Variants in FARS2 observed in about 807,000 individuals in gnomAD.
The protein encoded by FARS2 is phenylalanine--tRNA ligase, mitochondrial.
A neutral mutation model predicts 46.4 loss-of-function variants in FARS2; 40 were observed. The observed-to-expected ratio is 0.86, with a 90% CI of 0.67 to 1.12. The LOEUF is 1.12. FARS2 is among the 50% of genes most tolerant of loss of function. FARS2 has a pLI of 0.00. For synonymous variants in FARS2, 234 were observed against 214.9 expected (o/e 1.09, Z -0.78); for missense variants, 513 against 567.9 (o/e 0.90, Z 0.98).
intron 4 of FARS2, among the ~76,000 whole-genome samples, chr6:5,507,443 TTGAAGCA>T (rs1255656966): frequency 6.6e-6 from 1 of 152,250 alleles, no homozygotes; most frequent in Non-Finnish European, 1.5e-5. Context: ...GAGAAGGAGT[TTGAAGCA>T]TGTTTCTTTT....
intron 5 of FARS2, among the ~76,000 whole-genome samples, chr6:5,566,425 C>T (rs549808669): frequency 2.0e-5 from 3 of 152,202 alleles, no homozygotes; most frequent in Admixed American, 1.3e-4. Flanking sequence ...AGAACAGAGC[C>T]GTTGATTTTG....
intron 5 of FARS2, among the ~76,000 whole-genome samples, chr6:5,574,046 A>G (rs1477318764): frequency 6.6e-6 from 1 of 152,220 alleles, no homozygotes; most frequent in Non-Finnish European, 1.5e-5. Flanking sequence ...GAACACTTCA[A>G]CGGCAGCATT....
intron 4 of FARS2, among the ~76,000 whole-genome samples, chr6:5,439,324 C>G (rs1198331649): frequency 6.6e-6 from 1 of 152,228 alleles, no homozygotes. Context: ...ATCATACCCT[C>G]AGACTCCTCA....
intron 5 of FARS2, among the ~76,000 whole-genome samples, chr6:5,567,592 T>C (rs1772393585): frequency 6.6e-6 from 1 of 152,212 alleles, no homozygotes; most frequent in Non-Finnish European, 1.5e-5. Flanking sequence ...ATCTATTTGT[T>C]GAGTATAGCC....
chr6:5,526,477 ATTAAG>A (rs1769470803), intron 4 of FARS2, among the ~76,000 whole-genome samples: 3 of 152,210 alleles, frequency 2.0e-5, no homozygotes, highest in African/African-American at 2.4e-5. Context: ...CTTACTCTAA[ATTAAG>A]TTCCTTTCCT....
At chr6:5,671,637 G>A (rs1778468933) in intron 6 of FARS2, among the ~76,000 whole-genome samples, 2 of 152,120 alleles carry the variant, frequency 1.3e-5, no homozygotes, top group South Asian at 4.1e-4. Flanking sequence ...CTTAGCTCTG[G>A]AAAAAATAGG....
intron 1 of FARS2, among the ~76,000 whole-genome samples, chr6:5,353,612 T>A (rs1757712499): frequency 6.6e-6 from 1 of 152,188 alleles, no homozygotes; most frequent in Non-Finnish European, 1.5e-5. Context: ...TCATTGTGGT[T>A]TTGATTTGCA....
chr6:5,622,525 G>A (rs1278365652), intron 6 of FARS2, among the ~76,000 whole-genome samples: 1 of 152,202 alleles, frequency 6.6e-6, no homozygotes, highest in African/African-American at 2.4e-5. Context: ...TAAGTCATGA[G>A]GGCTCTGCCC....
At chr6:5,629,025 A>T (rs1776166872) in intron 6 of FARS2, among the ~76,000 whole-genome samples, 2 of 152,190 alleles carry the variant, frequency 1.3e-5, no homozygotes, top group African/African-American at 4.8e-5. Flanking sequence ...TTCAGTATGA[A>T]CTGAAAATGG....
chr6:5,533,324 G>T (rs1769981460), intron 4 of FARS2, among the ~76,000 whole-genome samples: 1 of 152,116 alleles, frequency 6.6e-6, no homozygotes. Context: ...TTTATAATAT[G>T]ATAGATAAAA....
intron 5 of FARS2, among the ~76,000 whole-genome samples, chr6:5,612,802 T>C (rs760129267): frequency 6.6e-6 from 1 of 152,214 alleles, no homozygotes; most frequent in Non-Finnish European, 1.5e-5. Flanking sequence ...TCTGAAAGTA[T>C]CACAAGAAGT....
At chr6:5,635,165 G>T (rs148711989) in intron 6 of FARS2, among the ~76,000 whole-genome samples, 1 of 152,328 alleles carries the variant, frequency 6.6e-6, no homozygotes, top group South Asian at 2.1e-4. Context: ...TGCATAACAA[G>T]TGTCCAGTAA....
chr6:5,253,196 T>C, the FARS2 span, among the ~76,000 whole-genome samples: 1 of 152,248 alleles, frequency 6.6e-6, no homozygotes, highest in East Asian at 1.9e-4. Flanking sequence ...ACACTTGGTA[T>C]GCATTTGGGC....
At position 5,399,409 on chromosome 6, in the gene FARS2, C is replaced by G. The variant is rs893655313; in HGVS notation, c.613-5133C>G. Among the ~76,000 whole-genome samples the G allele has an allele frequency of 2.6e-5, 4 of 152,130 alleles. No individual in the cohort carries two copies. The East Asian group carries it at 5.8e-4, about 22-fold the overall frequency. On this transcript the variant is annotated intron_variant, in intron 2 of 6. Transcript: ENST00000274680. ...CAGGCTGGTCTTGAACTCCTGACCT[C>G]AAGTGATCCTCCTGCCTTGGCCTCC...
At chr6:5,639,763 AC>A (rs1369304689) in intron 6 of FARS2, among the ~76,000 whole-genome samples, 13 of 152,210 alleles carry the variant, frequency 8.5e-5, no homozygotes, top group Admixed American at 6.5e-4. Context: ...TTCGTTGATG[AC>A]CAGTGGCTGC....
chr6:5,345,607 T>C (rs1757180181), intron 1 of FARS2, among the ~76,000 whole-genome samples: 1 of 152,156 alleles, frequency 6.6e-6, no homozygotes, highest in South Asian at 2.1e-4. Flanking sequence ...TGGTAAGAGA[T>C]TTAGAGAGCA....
Position 5,311,898 on chromosome 6 carries a change from T to C in FARS2, c.-22+50238T>C, listed in dbSNP as rs560641829. The stretch of plus-strand genomic sequence containing the variant: ...CTCATTGATAATAATATATTAATTG[T>C]GGCCTCAAGTGAATTTGCCCATTGT... On this transcript the variant is annotated intron_variant, in intron 1 of 6. Coordinates refer to ENST00000274680, the MANE Select transcript of FARS2 (RefSeq NM_006567.5). The surrounding 1 kb of genome is among the most constrained non-coding windows in gnomAD (Gnocchi z 4.1). Among the ~76,000 whole-genome samples the C allele has an allele frequency of 6.6e-6, 1 of 152,336 alleles. No individual in the cohort carries two copies. The highest frequency in any genetic ancestry group is 2.4e-5 in the African/African-American group (1 of 41,584).
chr6:5,672,502 G>T (rs1778528404), intron 6 of FARS2, among the ~76,000 whole-genome samples: 1 of 152,326 alleles, frequency 6.6e-6, no homozygotes, highest in African/African-American at 2.4e-5. Flanking sequence ...ACTTTAACGG[G>T]CAAGCTGTGA....
In FARS2 at chr6:5,764,460, G is replaced by A. The variant is rs1009368627; in HGVS notation, c.1218-6831G>A. Among the ~76,000 whole-genome samples, 5 of 152,102 alleles carry A rather than the reference G, an allele frequency of 3.3e-5. No homozygotes were observed. The highest frequency in any genetic ancestry group is 1.2e-4 in the African/African-American group (5 of 41,420). ...CGCAGCCATGCACAGTGCCTCTGAC[G>A]TGGGCAGCTCCAGACTGAGCTTCTG... On this transcript the variant is annotated intron_variant, in intron 6 of 6. Coordinates refer to ENST00000274680, the MANE Select transcript of FARS2 (RefSeq NM_006567.5). This position sits in a 1 kb window ranked among gnomAD's most constrained non-coding sequence, Gnocchi z 4.1.
Sources: allele counts gnomAD v4.1 joint callset (sites outside exome capture counted in the v4.1 genomes callset), GRCh38; gene constraint gnomAD v4.1.1; non-coding constraint Gnocchi (gnomAD v3.1); transcripts MANE v1.5; gene names NCBI Gene and HGNC (gene_info 2026-07-23, HGNC 2026-07-21).